The following RS1 variants were observed in gnomAD, a reference collection of about 807,000 sequenced individuals.
RS1 encodes retinoschisin.
A neutral mutation model predicts 20.8 loss-of-function variants in RS1; 2 were observed. The ratio of observed to expected loss-of-function variants is 0.10; its 90% CI spans 0.04 to 0.30. RS1 has a LOEUF of 0.30. RS1 is among the 10% of genes least tolerant of loss of function. The pLI, the probability that RS1 is intolerant of heterozygous loss-of-function variation, is 1.00. For synonymous variants in RS1, 70 were observed against 75.8 expected, an observed-to-expected ratio of 0.92 and a Z score of 0.40; for missense variants, 151 against 189.8, an observed-to-expected ratio of 0.80 and a Z score of 1.20.
chrX:18,654,108 G>A (rs1228646731), intron 3 of RS1, among the ~76,000 whole-genome samples: 1 of 110,269 alleles, frequency 9.1e-6, no homozygotes, highest in Non-Finnish European at 1.9e-5. Context: ...GGGGACCAGG[G>A]TCAATATCAC....
At position 18,653,574 on chromosome X, in the gene RS1, C is replaced by T. The variant is rs754179699; in HGVS notation, c.184+3079G>A. The T allele has an allele frequency of 1.6e-5, 19 of 1,193,541 alleles. No homozygotes were observed. In the South Asian group the frequency reaches 3.2e-4, roughly 20 times the overall value. ...TGCAAGCCTGCGGCTGGTCCCAATGCCCTGAATCACCTCTCTCATGGAAGA... is the reference window on the plus strand; with the variant it reads ...TGCAAGCCTGCGGCTGGTCCCAATGTCCTGAATCACCTCTCTCATGGAAGA... On this transcript the variant is annotated intron_variant, in intron 3 of 5. Transcript: ENST00000379984.
chrX:18,641,691 C>T lies in RS1; in HGVS notation c.*313G>A. 1 of 308,340 alleles carries T rather than the reference C, an allele frequency of 3.2e-6. No homozygotes were observed. The highest frequency in any genetic ancestry group is 5.8e-6 in the Non-Finnish European group (1 of 173,021). 25.4% of individuals were successfully genotyped at this position (308,340 alleles called of 1,213,427 possible). A position where few individuals can be genotyped will look rare whatever the true frequency, so the allele number is the denominator to read the frequency against. On this transcript the variant is annotated 3_prime_UTR_variant, in exon 6 of 6. Coordinates refer to ENST00000379984, the MANE Select transcript of RS1 (RefSeq NM_000330.4). Reference sequence around the variant, plus strand: ...TGCTTTGTGTTCCCCTGAGACTGCACCTTTCACAGTATCACTGAGACAAAA... The same window carrying T: ...TGCTTTGTGTTCCCCTGAGACTGCATCTTTCACAGTATCACTGAGACAAAA...
At chrX:18,650,208 C>T (rs894485201) in intron 3 of RS1, 32 of 476,963 alleles carry the variant, frequency 6.7e-5, no homozygotes, top group Non-Finnish European at 1.2e-4. Flanking sequence ...CCTTGACAGC[C>T]TGGGAGGGCC....
At chrX:18,653,891 C>T (rs777602567) in intron 3 of RS1, among the ~76,000 whole-genome samples, 2 of 109,566 alleles carry the variant, frequency 1.8e-5, no homozygotes, top group East Asian at 5.7e-4. Context: ...TTGTTTGAAC[C>T]TGGGAGGTGG....
rs1197092554 is a variant in RS1 at position 18,644,478 on chromosome X, A to T, written c.474T>A (p.Asp158Glu). Reference protein sequence around the residue: ...MTKYSVQYRTDERLNWIYYKD... With the variant: ...MTKYSVQYRTEERLNWIYYKD... ...TGTAGTAAATCCAGTTCAGGCGCTC[A>T]TCGGTCCTGTACTGCACGCTGTACT... Residue 158 changes from aspartate (D) to glutamate (E), a missense_variant, in exon 5 of 6, where the codon GAT becomes GAA. Coordinates refer to ENST00000379984, the MANE Select transcript of RS1 (RefSeq NM_000330.4). The T allele has an allele frequency of 8.3e-7, 1 of 1,211,560 alleles. No individual in the cohort carries two copies. The highest frequency in any genetic ancestry group is 1.1e-6 in the Non-Finnish European group (1 of 895,404).
At position 18,642,028 on chromosome X, in the gene RS1, C is replaced by T; in HGVS notation, c.651G>A (p.Leu217=). The change falls in exon 6 of 6, where the codon CTG becomes CTA. Residue 217 remains leucine (L), a synonymous_variant. Coordinates refer to ENST00000379984, the MANE Select transcript of RS1 (RefSeq NM_000330.4). ...HVRIAIRMEL[L]ECVSKCA is the part of the protein sequence containing the mutation. ...ATCAGGCACACTTGCTGACGCACTCCAGCAGCTCCATCCGGATGGCAATGC... is the reference window on the plus strand; with the variant it reads ...ATCAGGCACACTTGCTGACGCACTCTAGCAGCTCCATCCGGATGGCAATGC... 8.3e-7 allele frequency: 1 copy of T among 1,211,542 alleles called. No individual in the cohort carries two copies.
chrX:18,659,466 A>G (rs111711099), intron 1 of RS1, among the ~76,000 whole-genome samples: 2,071 of 111,413 alleles, frequency 0.019, 42 homozygotes, highest in African/African-American at 0.064. Context: ...ACTCTGTCTC[A>G]AAAAATAAAA....
At chrX:18,655,974 T>C (rs943186849) in intron 3 of RS1, among the ~76,000 whole-genome samples, 2 of 103,389 alleles carry the variant, frequency 1.9e-5, no homozygotes, top group Admixed American at 1.1e-4. Flanking sequence ...TCTTTTCTTT[T>C]CTTTTCTTTT....
intron 1 of RS1, among the ~76,000 whole-genome samples, chrX:18,664,109 G>C (rs1419981556): frequency 8.9e-6 from 1 of 112,174 alleles, no homozygotes; most frequent in African/African-American, 3.2e-5. Flanking sequence ...AAAAACATGT[G>C]CTAGATGATC....
chrX:18,671,613 G>A (rs770826335), intron 1 of RS1, among the ~76,000 whole-genome samples: 3 of 111,577 alleles, frequency 2.7e-5, no homozygotes, highest in South Asian at 3.8e-4. Context: ...TACACCTGTC[G>A]TCCCAACAGA....
intron 4 of RS1, among the ~76,000 whole-genome samples, chrX:18,645,135 G>T (rs935736941): frequency 4.4e-5 from 5 of 112,635 alleles, no homozygotes; most frequent in Non-Finnish European, 9.4e-5. Context: ...GATAACCGTT[G>T]AAGCAACTAA....
chrX:18,658,777 ATCT>A (rs931670830), intron 1 of RS1, among the ~76,000 whole-genome samples: 5 of 91,817 alleles, frequency 5.4e-5, no homozygotes, highest in Non-Finnish European at 1.1e-4. Flanking sequence ...CTTTTATTAA[ATCT>A]TCATCATCAT....
intron 5 of RS1, 83 bp from the exon 6 acceptor site, chrX:18,642,239 T>C: frequency 9.7e-7 from 1 of 1,031,642 alleles, no homozygotes; most frequent in Non-Finnish European, 1.4e-6. Flanking sequence ...TAGCCCCAAC[T>C]TTTAACTATA....
At chrX:18,642,366 G>A (rs754351211) in intron 5 of RS1, among the ~76,000 whole-genome samples, 6 of 111,657 alleles carry the variant, frequency 5.4e-5, no homozygotes, top group African/African-American at 2.0e-4. Context: ...CCAATAGGGT[G>A]GCCACTAGCC....
chrX:18,657,589 A>T (rs752691221), intron 2 of RS1, 51 bp downstream of exon 2: 1 of 1,026,258 alleles, frequency 9.7e-7, no homozygotes, highest in East Asian at 3.0e-5. Context: ...GGCTAGGAAA[A>T]TTTTCAAAAG....
intron 3 of RS1, chrX:18,650,312 C>G: frequency 1.3e-6 from 1 of 791,461 alleles, no homozygotes; most frequent in Non-Finnish European, 1.9e-6. Flanking sequence ...GGGAAGGTGA[C>G]GCTCTCACTG....
At chrX:18,647,159 C>T (rs776252413) in intron 4 of RS1, 32 bp downstream of exon 4, 78 of 1,204,687 alleles carry the variant, frequency 6.5e-5, no homozygotes, top group Non-Finnish European at 1.1e-6. Context: ...TTTTTAAAAG[C>T]ACATGAAAAA....
At chrX:18,669,364 G>A (rs974204318) in intron 1 of RS1, among the ~76,000 whole-genome samples, 21 of 108,035 alleles carry the variant, frequency 1.9e-4, no homozygotes, top group African/African-American at 6.1e-4. Context: ...GGTGGCACAC[G>A]TCTGTAATCC....
intron 4 of RS1, among the ~76,000 whole-genome samples, chrX:18,646,675 A>T (rs1323448498): frequency 9.0e-6 from 1 of 111,158 alleles, no homozygotes; most frequent in Non-Finnish European, 1.9e-5. Context: ...CTTGTGCTTC[A>T]GGCTTGCTGC....
Sources: gnomAD v4.1 joint callset for allele counts (sites outside exome capture counted in the v4.1 genomes callset) on GRCh38, gnomAD v4.1.1 for gene constraint, MANE v1.5 for transcripts, NCBI Gene and HGNC (gene_info 2026-07-23, HGNC 2026-07-21) for gene names.